Variants in LIN9 observed in about 807,000 individuals in gnomAD.
LIN9 encodes the protein protein lin-9 homolog.
Under a neutral mutation model 78.0 loss-of-function variants are expected in LIN9, and 18 were observed. The ratio of observed to expected loss-of-function variants is 0.23; its 90% CI spans 0.16 to 0.34. LIN9 has a LOEUF of 0.34. Ranked by LOEUF, LIN9 falls within the 10% of genes least tolerant of loss-of-function variation. The pLI is 1.00. For synonymous variants in LIN9, 192 were observed against 215.2 expected (o/e 0.89, Z 0.94); for missense variants, 451 against 644.1 (o/e 0.70, Z 3.25).
chr1:226,296,988 G>A (rs567981894), intron 3 of LIN9, among the ~76,000 whole-genome samples: 20 of 152,132 alleles, frequency 1.3e-4, no homozygotes, highest in Admixed American at 6.5e-4. Flanking sequence ...GCGAGACCTC[G>A]TCTCAAAAAA....
Position 226,295,883 on chromosome 1 carries a change from T to C in LIN9, c.223A>G (p.Arg75Gly). 1 of 1,613,504 alleles carries C rather than the reference T, an allele frequency of 6.2e-7. No homozygotes were observed. Among genetic ancestry groups the C allele is most frequent in the Non-Finnish European group, 8.5e-7 (1 of 1,179,786 alleles). The stretch of plus-strand genomic sequence containing the variant: ...ACCCTCTGGTTTCTTTTAGGTGACC[T>C]TGTATTTATTTGCCTATCATCTTCA... Reference protein sequence around the residue: ...SDEDDRQINTRSPKRNQRVAM... With the variant: ...SDEDDRQINTGSPKRNQRVAM... Residue 75 changes from arginine (R) to glycine (G), a missense_variant, in exon 4 of 15, where the codon AGG (arginine) becomes GGG (glycine). Transcript: ENST00000681046.
At chr1:226,250,773 A>T in intron 11 of LIN9, 66 bp downstream of exon 11, 1 of 790,096 alleles carries the variant, frequency 1.3e-6, no homozygotes, top group Admixed American at 2.4e-5. Context: ...AAATCATTAG[A>T]TATAGATGGT....
At chr1:226,242,163 A>G (rs1472542143) in intron 11 of LIN9, among the ~76,000 whole-genome samples, 1 of 152,252 alleles carries the variant, frequency 6.6e-6, no homozygotes, top group Non-Finnish European at 1.5e-5. Context: ...AGGGACTTGT[A>G]CTGGTAGTTA....
chr1:226,259,206 C>T (rs1221643024), intron 10 of LIN9, among the ~76,000 whole-genome samples: 5 of 151,972 alleles, frequency 3.3e-5, no homozygotes, highest in African/African-American at 7.2e-5. Context: ...GTGATCTGCC[C>T]GCCTAAGCTT....
intron 1 of LIN9, among the ~76,000 whole-genome samples, chr1:226,302,934 T>A (rs1662654779): frequency 6.6e-6 from 1 of 152,172 alleles, no homozygotes. Flanking sequence ...AAGAGACTTG[T>A]GAAACAGACA....
chr1:226,294,760 T>C (rs564547339), intron 4 of LIN9, among the ~76,000 whole-genome samples: 2 of 152,198 alleles, frequency 1.3e-5, no homozygotes, highest in South Asian at 2.1e-4. Flanking sequence ...TTAAAGTTAA[T>C]ATTTCCCTAT....
Position 226,265,730 on chromosome 1 carries a change from G to GT in LIN9, c.937-97dup. 1 of 624,266 alleles carries GT rather than the reference G, an allele frequency of 1.6e-6. No homozygotes were observed. The highest frequency in any genetic ancestry group is 2.7e-6 in the Non-Finnish European group (1 of 368,598). 38.7% of individuals were successfully genotyped at this position (624,266 alleles called of 1,614,324 possible). A position where few individuals can be genotyped will look rare whatever the true frequency, so the allele number is the denominator to read the frequency against. On this transcript the variant is annotated intron_variant, in intron 9 of 14. Transcript: ENST00000681046. This position sits in a 1 kb window ranked among gnomAD's most constrained non-coding sequence, Gnocchi z 4.1. ...TTTTTTTTAGACGGAGTCTCGCTCT[G>GT]TTGCCACTTGTGATCTCGGCTCACT...
At chr1:226,281,366 TAGAA>T (rs1220525545) in intron 6 of LIN9, among the ~76,000 whole-genome samples, 2 of 152,080 alleles carry the variant, frequency 1.3e-5, no homozygotes, top group Non-Finnish European at 2.9e-5. Flanking sequence ...TATAGTGAGA[TAGAA>T]GGAATAAGTT....
At chr1:226,304,048 TTTC>T (rs1027473451) in intron 1 of LIN9, among the ~76,000 whole-genome samples, 1 of 152,258 alleles carries the variant, frequency 6.6e-6, no homozygotes, top group African/African-American at 2.4e-5. Flanking sequence ...TGTGCTATTG[TTTC>T]TTCATGTGTA....
At chr1:226,309,208 T>C (rs759878182), upstream of LIN9, 1 of 1,457,158 alleles carries the variant, frequency 6.9e-7, no homozygotes, top group Non-Finnish European at 9.2e-7. Context: ...AGACTGTCTT[T>C]GCGAGGGAGG....
chr1:226,265,431 C>G lies in LIN9; in HGVS notation c.1038+102G>C, dbSNP rs958119168. On this transcript the variant is annotated intron_variant, in intron 10 of 14. Transcript: ENST00000681046. This position sits in a 1 kb window ranked among gnomAD's most constrained non-coding sequence, Gnocchi z 4.1. The stretch of plus-strand genomic sequence containing the variant: ...GAAATAGCAGCTCTTAAAACCTACA[C>G]GGTGATAAACCTACACGGCCCTAGA... 2 of 581,104 alleles carry G rather than the reference C, an allele frequency of 3.4e-6. No homozygotes were observed. The highest frequency in any genetic ancestry group is 6.1e-6 in the Non-Finnish European group (2 of 330,244). The allele number at this position is 581,104 out of a possible 1,614,324, so 36.0% of individuals were successfully genotyped here.
At chr1:226,286,764 G>A (rs1661401450) in intron 5 of LIN9, among the ~76,000 whole-genome samples, 1 of 152,186 alleles carries the variant, frequency 6.6e-6, no homozygotes, top group South Asian at 2.1e-4. Flanking sequence ...GATAAACCAA[G>A]TTAGCTACAA....
At chr1:226,272,272 T>C (rs1384372859) in intron 7 of LIN9, among the ~76,000 whole-genome samples, 25 of 152,002 alleles carry the variant, frequency 1.6e-4, no homozygotes, top group Non-Finnish European at 3.5e-4. Context: ...GCCAGGCTGG[T>C]CTTGAACTCC....
intron 12 of LIN9, among the ~76,000 whole-genome samples, chr1:226,234,051 T>C (rs2102821691): frequency 6.6e-6 from 1 of 152,352 alleles, no homozygotes; most frequent in South Asian, 2.1e-4. Context: ...CTGAGTTCTC[T>C]GGCATCTTTA....
chr1:226,238,971 C>T lies in LIN9; in HGVS notation c.1245G>A (p.Glu415=). Residue 415 remains glutamate (E), a splice_region_variant and synonymous_variant, in exon 12 of 15, where the codon GAG becomes GAA. Transcript: ENST00000681046. ...VLHKVQQYCY[E]LAPDQGLQPA... ...AGGGAAATCTATACATATCACTTAC[C>T]TCATAGCAATACTGTTGAACTTTAT... is the stretch of plus-strand genomic sequence containing the variant. 1.2e-6 allele frequency: 2 copies of T among 1,612,314 alleles called. No homozygotes were observed. Among genetic ancestry groups the T allele is most frequent in the Non-Finnish European group, 1.7e-6 (2 of 1,179,260 alleles).
intron 4 of LIN9, among the ~76,000 whole-genome samples, chr1:226,293,782 T>G (rs1314042696): frequency 6.6e-6 from 1 of 152,104 alleles, no homozygotes; most frequent in Non-Finnish European, 1.5e-5. Flanking sequence ...CGTCTCAAAC[T>G]CCTGACATCA....
intron 7 of LIN9, among the ~76,000 whole-genome samples, chr1:226,269,695 C>T (rs1329410619): frequency 6.6e-6 from 1 of 152,014 alleles, no homozygotes; most frequent in African/African-American, 2.4e-5. Context: ...AACTAGAGAG[C>T]CATAAAAGGG....
In LIN9 at chr1:226,265,447, C is replaced by G. The variant is rs529181774; in HGVS notation, c.1038+86G>C. The G allele has an allele frequency of 7.2e-6, 5 of 697,936 alleles. No homozygotes were observed. Among genetic ancestry groups the G allele is most frequent in the Non-Finnish European group, 1.2e-5 (5 of 409,110 alleles). 43.2% of individuals were successfully genotyped at this position (697,936 alleles called of 1,614,324 possible). ...AAACCTACACGGTGATAAACCTACA[C>G]GGCCCTAGAAAAATTTTCAACTTTA... On this transcript the variant is annotated intron_variant, in intron 10 of 14. Coordinates refer to ENST00000681046, the MANE Select transcript of LIN9 (RefSeq NM_001366245.2). The surrounding 1 kb of genome is among the most constrained non-coding windows in gnomAD (Gnocchi z 4.1).
chr1:226,290,593 GC>G (rs1661709532), intron 4 of LIN9, among the ~76,000 whole-genome samples: 1 of 151,918 alleles, frequency 6.6e-6, no homozygotes, highest in Admixed American at 6.6e-5. Context: ...GCCCACCTCG[GC>G]CTCCCAAAGT....
Sources: allele counts gnomAD v4.1 joint callset (sites outside exome capture counted in the v4.1 genomes callset), GRCh38; gene constraint gnomAD v4.1.1; non-coding constraint Gnocchi (gnomAD v3.1); transcripts MANE v1.5; gene names NCBI Gene and HGNC (gene_info 2026-07-23, HGNC 2026-07-21).